The following STYXL1 variants were observed in gnomAD, a reference collection of about 807,000 sequenced individuals.
STYXL1 encodes serine/threonine/tyrosine interacting like 1.
Under a neutral mutation model 36.4 loss-of-function variants are expected in STYXL1, and 32 were observed. The ratio of observed to expected loss-of-function variants is 0.88; its 90% CI spans 0.66 to 1.18. The LOEUF is 1.18. Ranked by LOEUF, STYXL1 falls within the 50% of genes most tolerant of loss-of-function variation. The pLI, the probability that STYXL1 is intolerant of heterozygous loss-of-function variation, is 0.00. For missense variants in STYXL1, 354 were observed against 394.1 expected (o/e 0.90, Z 0.86); for synonymous variants, 133 against 144.1 (o/e 0.92, Z 0.55).
Position 76,009,712 on chromosome 7 carries a change from T to TA in STYXL1, c.453+4029dup, listed in dbSNP as rs1283872744. Among the ~76,000 whole-genome samples the TA allele has an allele frequency of 4.6e-5, 7 of 152,182 alleles. No homozygotes were observed. The East Asian group carries it at 1.2e-3, about 25-fold the overall frequency. On this transcript the variant is annotated intron_variant, in intron 5 of 8. Coordinates refer to ENST00000359697, the MANE Select transcript of STYXL1 (RefSeq NM_001317785.2). Reference sequence around the variant, plus strand: ...GCGTGAGCCTCCAAGCCCAGCCTTTTAAAAAAATTTTTGTGTAAACAAGGT... The same window carrying TA: ...GCGTGAGCCTCCAAGCCCAGCCTTTTAAAAAAAATTTTTGTGTAAACAAGGT...
At chr7:76,029,896 T>TCTGCTTCAC (rs1795134883) in intron 2 of STYXL1, among the ~76,000 whole-genome samples, 1 of 152,298 alleles carries the variant, frequency 6.6e-6, no homozygotes, top group South Asian at 2.1e-4. Context: ...AGATGAAGCT[T>TCTGCTTCAC]CTGCTTCACC....
Position 76,000,763 on chromosome 7 carries a change from T to G in STYXL1, c.810+127A>C. ...GGGTGACGCGGACTGGGGAGCACCC[T>G]AGACTTGGAGTTATCTGGGATTCTT... is the stretch of plus-strand genomic sequence containing the variant. On this transcript the variant is annotated intron_variant, in intron 8 of 8. Coordinates refer to ENST00000359697, the MANE Select transcript of STYXL1 (RefSeq NM_001317785.2). 3 of 735,314 alleles carry G rather than the reference T, an allele frequency of 4.1e-6. No homozygotes were observed. The East Asian group carries it at 7.8e-5, about 19-fold the overall frequency. 45.5% of individuals were successfully genotyped at this position (735,314 alleles called of 1,614,324 possible). A position where few individuals can be genotyped will look rare whatever the true frequency, so the allele number is the denominator to read the frequency against.
chr7:75,996,632 G>A (rs946125822), intron 8 of STYXL1, 33 bp from the exon 9 acceptor site: 31 of 1,608,820 alleles, frequency 1.9e-5, no homozygotes, highest in African/African-American at 2.7e-5. Context: ...TGAACTTCAC[G>A]ATTGGTCCTG....
chr7:76,047,277 AC>A (rs1187014860), intron 1 of STYXL1, among the ~76,000 whole-genome samples: 1 of 152,158 alleles, frequency 6.6e-6, no homozygotes, highest in African/African-American at 2.4e-5. Context: ...ATAAATTCAT[AC>A]ATTTAAGTAA....
chr7:76,014,406 C>T (rs782478598), intron 4 of STYXL1, among the ~76,000 whole-genome samples: 4 of 151,828 alleles, frequency 2.6e-5, no homozygotes, highest in Non-Finnish European at 4.4e-5. Context: ...GGCTGGAGTG[C>T]AGTGGTACAA....
chr7:76,000,740 G>A (rs1790789316), intron 8 of STYXL1, 150 bp downstream of exon 8: 2 of 657,550 alleles, frequency 3.0e-6, no homozygotes, highest in African/African-American at 3.6e-5. Flanking sequence ...TTGCCCTTGG[G>A]TGACGCGGAC....
At chr7:76,000,242 A>AT (rs1554566377) in intron 8 of STYXL1, among the ~76,000 whole-genome samples, 1 of 147,312 alleles carries the variant, frequency 6.8e-6, no homozygotes, top group Non-Finnish European at 1.5e-5. Context: ...AAAAAAAAAA[A>AT]AGGACTTTCT....
At chr7:76,022,599 AGGCTGCAGTGAGCTGCGATTGTG>A (rs1198216884) in intron 3 of STYXL1, among the ~76,000 whole-genome samples, 1 of 152,158 alleles carries the variant, frequency 6.6e-6, no homozygotes, top group Non-Finnish European at 1.5e-5. Context: ...CAGGAGGCGG[AGGCTGCAGTGAGCTGCGATTGTG>A]TCACTGCACT....
At position 76,047,964 on chromosome 7, in the gene STYXL1, G is replaced by T; in HGVS notation, c.-307C>A. On this transcript the variant is annotated 5_prime_UTR_variant, in exon 1 of 9. Transcript: ENST00000359697. ...CCCAGCCAAACACCGGGGTTGCCAGGATGGTCCCACAGCTTTCCTTTCCGA... is the reference window on the plus strand; with the variant it reads ...CCCAGCCAAACACCGGGGTTGCCAGTATGGTCCCACAGCTTTCCTTTCCGA... 1.4e-6 allele frequency: 2 copies of T among 1,464,232 alleles called. No individual in the cohort carries two copies. Among genetic ancestry groups the T allele is most frequent in the Non-Finnish European group, 1.8e-6 (2 of 1,108,594 alleles). 90.7% of individuals were successfully genotyped at this position (1,464,232 alleles called of 1,614,324 possible).
chr7:76,004,636 G>A (rs141479080), intron 6 of STYXL1, among the ~76,000 whole-genome samples: 2,617 of 151,522 alleles, frequency 0.017, 70 homozygotes, highest in African/African-American at 0.06. Context: ...CCCTGGAGGC[G>A]GAGGTTGCAG....
Position 76,000,893 on chromosome 7 carries a change from C to A in STYXL1, c.807G>T (p.Leu269Phe). The change falls in exon 8 of 9, where the codon TTG becomes TTT. Residue 269 changes from leucine (L) to phenylalanine (F), a missense_variant. By Grantham distance (22) the Leu-to-Phe change is conservative. Coordinates refer to ENST00000359697, the MANE Select transcript of STYXL1 (RefSeq NM_001317785.2). ...GCCTGGCCCGGGGAACGCATACCTGCAAGGTCTGCTCGTTACTATGCATGA... is the reference window on the plus strand; with the variant it reads ...GCCTGGCCCGGGGAACGCATACCTGAAAGGTCTGCTCGTTACTATGCATGA... ...AYLMHSNEQT[L>F]QRSWAYVKKC... 1 of 1,613,770 alleles carries A rather than the reference C, an allele frequency of 6.2e-7. No homozygotes were observed. The highest frequency in any genetic ancestry group is 8.5e-7 in the Non-Finnish European group (1 of 1,179,628).
chr7:76,027,743 A>G (rs1794881582), intron 3 of STYXL1, among the ~76,000 whole-genome samples: 1 of 152,282 alleles, frequency 6.6e-6, no homozygotes, highest in Non-Finnish European at 1.5e-5. Context: ...AGGGACAATG[A>G]ACTCAGGCTG....
At chr7:76,002,741 TGG>T (rs1315237339) in intron 7 of STYXL1, among the ~76,000 whole-genome samples, 1 of 151,962 alleles carries the variant, frequency 6.6e-6, no homozygotes, top group Non-Finnish European at 1.5e-5. Flanking sequence ...TTGGGCAACA[TGG>T]CAAAACCCCA....
chr7:76,019,400 G>A (rs966985393), intron 4 of STYXL1, among the ~76,000 whole-genome samples: 6 of 151,514 alleles, frequency 4.0e-5, no homozygotes, highest in Non-Finnish European at 8.8e-5. Context: ...GGGCTCAAGT[G>A]ATCCTCCTGC....
chr7:76,036,637 T>C lies in STYXL1; in HGVS notation c.-4-6110A>G, dbSNP rs1176532935. Among the ~76,000 whole-genome samples, 2 of 136,712 alleles carry C rather than the reference T, an allele frequency of 1.5e-5. 1 individual carries two copies. The highest frequency in any genetic ancestry group is 7.4e-3 in the Middle Eastern group (2 of 270). 89.7% of individuals were successfully genotyped at this position (136,712 alleles called of 152,430 possible). On this transcript the variant is annotated intron_variant, in intron 1 of 8. Transcript: ENST00000359697. ...AATTTATTTATCCCAAGATCAAGTC[T>C]TTTCCATGTGAATTTTTTTTTTTTT...
chr7:76,012,620 C>T (rs2115755313), intron 5 of STYXL1, among the ~76,000 whole-genome samples: 1 of 152,288 alleles, frequency 6.6e-6, no homozygotes, highest in South Asian at 2.1e-4. Context: ...GGCTCAAACT[C>T]CTGAGCTCAA....
At chr7:76,007,655 T>A (rs1159029615) in intron 5 of STYXL1, among the ~76,000 whole-genome samples, 2 of 152,012 alleles carry the variant, frequency 1.3e-5, no homozygotes, top group Non-Finnish European at 2.9e-5. Flanking sequence ...CAGTGGCTGC[T>A]CATGCCTGTG....
intron 6 of STYXL1, among the ~76,000 whole-genome samples, chr7:76,004,905 G>A (rs1035488936): frequency 9.9e-5 from 15 of 151,792 alleles, no homozygotes; most frequent in Non-Finnish European, 1.9e-4. Flanking sequence ...GGAGGCTGAG[G>A]CAGGAGAATG....
chr7:76,005,849 AGAGGAGGAGAGAGGAGGAAGAG>A (rs1791618874), intron 5 of STYXL1, among the ~76,000 whole-genome samples: 2 of 18,898 alleles, frequency 1.1e-4, no homozygotes, highest in African/African-American at 3.5e-4. Flanking sequence ...GGAGGAAGAG[AGAGGAGGAGAGAGGAGGAAGAG>A]AGAGGAGGAG....
Sources: gnomAD v4.1 joint callset for allele counts (sites outside exome capture counted in the v4.1 genomes callset) on GRCh38, gnomAD v4.1.1 for gene constraint, MANE v1.5 for transcripts, NCBI Gene and HGNC (gene_info 2026-07-23, HGNC 2026-07-21) for gene names.